The following CNTLN variants were observed in gnomAD, a reference collection of about 807,000 sequenced individuals.
The protein encoded by CNTLN is centlein.
Under a neutral mutation model 180.0 loss-of-function variants are expected in CNTLN, and 212 were observed. The ratio of observed to expected loss-of-function variants is 1.18; its 90% CI spans 1.05 to 1.32. The LOEUF is 1.32. Among genes scored for constraint, CNTLN ranks in the 40% most tolerant of loss-of-function variants. CNTLN has a pLI of 0.00. For missense variants in CNTLN, 2,095 were observed against 1,610.9 expected (o/e 1.30, Z -5.14); for synonymous variants, 722 against 563.1 (o/e 1.28, Z -3.99).
intron 2 of CNTLN, among the ~76,000 whole-genome samples, chr9:17,162,369 C>T (rs529149026): frequency 1.1e-3 from 162 of 152,314 alleles, no homozygotes; most frequent in Non-Finnish European, 1.8e-3. Context: ...CCGCCTCGGC[C>T]TCCCAAAGTG....
rs991202916 is a variant in CNTLN at position 17,408,562 on chromosome 9, G to A, written c.2616-731G>A. Among the ~76,000 whole-genome samples the A allele has an allele frequency of 9.9e-5, 15 of 152,052 alleles. 1 individual carries two copies. The highest frequency in any genetic ancestry group is 1.4e-4 in the African/African-American group (6 of 41,404). ...CATGCCTGTAATCCCAGCACTTTGG[G>A]AGGCTGAGACGGGCAGATCACGAGG... is the stretch of plus-strand genomic sequence containing the variant. On this transcript the variant is annotated intron_variant, in intron 15 of 25. Coordinates refer to ENST00000380647, the MANE Select transcript of CNTLN (RefSeq NM_017738.4).
chr9:17,267,414 C>A (rs200127573), intron 5 of CNTLN, among the ~76,000 whole-genome samples: 3 of 152,088 alleles, frequency 2.0e-5, no homozygotes, highest in East Asian at 1.9e-4. Context: ...CTCCGCTGTT[C>A]GTCTGATGGG....
intron 24 of CNTLN, among the ~76,000 whole-genome samples, chr9:17,486,220 G>A (rs561296035): frequency 4.9e-4 from 75 of 152,152 alleles, no homozygotes; most frequent in African/African-American, 1.6e-3. Context: ...ACACTATATC[G>A]AACTGTAGTA....
rs772428535 is a variant in CNTLN, at chr9:17,409,443, A to G, written c.2766A>G (p.Thr922=). The change falls in exon 16 of 26, where the codon ACA becomes ACG. Residue 922 remains threonine (T), a synonymous_variant. Coordinates refer to ENST00000380647, the MANE Select transcript of CNTLN (RefSeq NM_017738.4). The stretch of plus-strand genomic sequence containing the variant: ...CACAAGGAAAAGAAATAGTACAGAC[A>G]TATTTAAATATAGATGGCAAGACCC... The part of the protein sequence containing the change: ...SQTQGKEIVQ[T]YLNIDGKTPK... 1 of 1,604,522 alleles carries G rather than the reference A, an allele frequency of 6.2e-7. No homozygotes were observed. Among genetic ancestry groups the G allele is most frequent in the Non-Finnish European group, 8.5e-7 (1 of 1,177,678 alleles).
At chr9:17,153,537 T>G (rs1819045786) in intron 2 of CNTLN, among the ~76,000 whole-genome samples, 1 of 152,250 alleles carries the variant, frequency 6.6e-6, no homozygotes, top group Non-Finnish European at 1.5e-5. Flanking sequence ...GCTGTTAGTC[T>G]GATGGGCTTC....
intron 15 of CNTLN, among the ~76,000 whole-genome samples, chr9:17,406,581 A>T (rs1245028223): frequency 6.6e-6 from 1 of 151,606 alleles, no homozygotes; most frequent in Non-Finnish European, 1.5e-5. Context: ...CATAATTTGG[A>T]TTCCTTCCTC....
At chr9:17,208,978 C>T (rs1563882356) in intron 2 of CNTLN, among the ~76,000 whole-genome samples, 1 of 151,836 alleles carries the variant, frequency 6.6e-6, no homozygotes, top group African/African-American at 2.4e-5. Flanking sequence ...TATTTCTCTT[C>T]TAATTTTGTG....
chr9:17,199,739 G>A (rs1195968004), intron 2 of CNTLN, among the ~76,000 whole-genome samples: 1 of 152,036 alleles, frequency 6.6e-6, no homozygotes, highest in East Asian at 1.9e-4. Context: ...GTGGATATTA[G>A]ACTTTTGTCA....
chr9:17,195,968 A>G (rs1822104159), intron 2 of CNTLN, among the ~76,000 whole-genome samples: 2 of 152,200 alleles, frequency 1.3e-5, no homozygotes, highest in Non-Finnish European at 2.9e-5. Context: ...TGAAAATGAT[A>G]GTAAAGATGG....
chr9:17,509,823 G>T, the CNTLN span, among the ~76,000 whole-genome samples: 2 of 152,112 alleles, frequency 1.3e-5, no homozygotes, highest in Non-Finnish European at 2.9e-5. Context: ...TATCCTAGAG[G>T]TCTTAGTTCC....
Position 17,483,217 on chromosome 9 carries a change from G to A in CNTLN, c.3856-1078G>A, listed in dbSNP as rs74819878. 3.9e-5 allele frequency among the ~76,000 whole-genome samples: 6 copies of A among 152,240 alleles called. No individual in the cohort carries two copies. In the East Asian group the frequency reaches 1.2e-3, roughly 29 times the overall value. On this transcript the variant is annotated intron_variant, in intron 23 of 25. Coordinates refer to ENST00000380647, the MANE Select transcript of CNTLN (RefSeq NM_017738.4). ...CAAAGAAAATATAATTATTTCTTAA[G>A]GCTGATGCTCAACTTTGTTTATAAT...
chr9:17,325,252 A>G (rs1820191159), intron 8 of CNTLN, among the ~76,000 whole-genome samples: 1 of 148,884 alleles, frequency 6.7e-6, no homozygotes. Context: ...TGATTCAGCT[A>G]ACAATGTTTA....
chr9:17,260,424 G>T (rs1411123011), intron 5 of CNTLN, among the ~76,000 whole-genome samples: 1 of 151,112 alleles, frequency 6.6e-6, no homozygotes, highest in Non-Finnish European at 1.5e-5. Flanking sequence ...AATAGGTGTG[G>T]TGTGGTGCTG....
At chr9:17,417,765 T>C (rs1260141834) in intron 18 of CNTLN, among the ~76,000 whole-genome samples, 3 of 152,066 alleles carry the variant, frequency 2.0e-5, no homozygotes, top group African/African-American at 7.2e-5. Context: ...TAAAAATCTG[T>C]GTTAGACATA....
At chr9:17,251,575 T>A (rs1215470154) in intron 5 of CNTLN, among the ~76,000 whole-genome samples, 2 of 151,920 alleles carry the variant, frequency 1.3e-5, no homozygotes, top group African/African-American at 4.8e-5. Flanking sequence ...CTGAATTACT[T>A]TTGTGTGTGT....
chr9:17,255,983 G>C (rs12000730), intron 5 of CNTLN, among the ~76,000 whole-genome samples: 2,816 of 151,846 alleles, frequency 0.019, 89 homozygotes, highest in African/African-American at 0.065. Context: ...ATACAGTTTT[G>C]TATTTGTTAG....
At chr9:17,268,066 TC>T (rs1451195835) in intron 5 of CNTLN, among the ~76,000 whole-genome samples, 1 of 152,210 alleles carries the variant, frequency 6.6e-6, no homozygotes, top group Non-Finnish European at 1.5e-5. Flanking sequence ...CCAGCTTTGT[TC>T]CGTTGCTGGT....
intron 3 of CNTLN, among the ~76,000 whole-genome samples, chr9:17,227,108 G>C (rs924453908): frequency 6.6e-6 from 1 of 151,330 alleles, no homozygotes; most frequent in Admixed American, 6.6e-5. Flanking sequence ...TAAACAACGA[G>C]AGCTCATGAA....
chr9:17,135,567 G>T, intron 1 of CNTLN, 142 bp downstream of exon 1: 1 of 1,183,924 alleles, frequency 8.4e-7, no homozygotes, highest in Non-Finnish European at 1.1e-6. Context: ...TTCGCTCGCG[G>T]CCGGGGGCTG....
Sources: gnomAD v4.1 joint callset for allele counts (sites outside exome capture counted in the v4.1 genomes callset) on GRCh38, gnomAD v4.1.1 for gene constraint, MANE v1.5 for transcripts, NCBI Gene and HGNC (gene_info 2026-07-23, HGNC 2026-07-21) for gene names.